The following KCNIP1 variants were observed in gnomAD, a reference collection of about 807,000 sequenced individuals.
KCNIP1 encodes the protein A-type potassium channel modulatory protein KCNIP1.
In KCNIP1, 18 loss-of-function variants were observed where a neutral mutation model predicts 33.0. The observed-to-expected ratio is 0.55, with a 90% confidence interval of 0.38 to 0.81. The LOEUF (loss-of-function observed/expected upper bound fraction) is 0.81, where lower values mean the gene tolerates loss of function less well. Ranked by LOEUF, KCNIP1 falls within the 30% of genes least tolerant of loss-of-function variation. The pLI is 0.00. For missense variants in KCNIP1, 238 were observed against 271.6 expected, an observed-to-expected ratio of 0.88 and a Z score of 0.87; for synonymous variants, 93 against 98.3, an observed-to-expected ratio of 0.95 and a Z score of 0.32.
intron 1 of KCNIP1, among the ~76,000 whole-genome samples, chr5:170,583,393 G>A (rs1189829370): frequency 6.6e-6 from 1 of 152,134 alleles, no homozygotes; most frequent in Non-Finnish European, 1.5e-5. Context: ...AGATGCAGGA[G>A]TAAGATGTTG....
chr5:170,566,920 G>A (rs1292108110), intron 1 of KCNIP1, among the ~76,000 whole-genome samples: 1 of 152,242 alleles, frequency 6.6e-6, no homozygotes, highest in Non-Finnish European at 1.5e-5. Context: ...CGAACAGAAA[G>A]TCTGTGGCCA....
At chr5:170,366,102 G>A (rs1020556989) in intron 1 of KCNIP1, among the ~76,000 whole-genome samples, 5 of 152,182 alleles carry the variant, frequency 3.3e-5, no homozygotes, top group Non-Finnish European at 7.3e-5. Context: ...CCCGGGATGC[G>A]AGTATCAGTG....
Position 170,496,941 on chromosome 5 carries a change from G to A in KCNIP1, c.88+142977G>A, listed in dbSNP as rs115997956. 6.5e-3 allele frequency among the ~76,000 whole-genome samples: 996 copies of A among 152,078 alleles called. 8 individuals carry two copies. Among genetic ancestry groups the A allele is most frequent in the African/African-American group, 0.022 (904 of 41,462 alleles). ...ACCTTTACCCTCCTAGTCTGATCTAGACCCCTGATCTTGCCGAGTATCTAG... is the reference window on the plus strand; with the variant it reads ...ACCTTTACCCTCCTAGTCTGATCTAAACCCCTGATCTTGCCGAGTATCTAG... On this transcript the variant is annotated intron_variant, in intron 1 of 7. Transcript: ENST00000377360.
intron 1 of KCNIP1, among the ~76,000 whole-genome samples, chr5:170,536,730 C>A (rs2113365519): frequency 6.6e-6 from 1 of 152,308 alleles, no homozygotes; most frequent in South Asian, 2.1e-4. Flanking sequence ...CACTCCCACA[C>A]CTGCAGTGCA....
At chr5:170,619,175 C>T (rs1277923077) in intron 1 of KCNIP1, among the ~76,000 whole-genome samples, 5 of 152,208 alleles carry the variant, frequency 3.3e-5, no homozygotes, top group Non-Finnish European at 5.9e-5. Flanking sequence ...AATAGTTTAA[C>T]TTTTCCCTCA....
chr5:170,708,639 C>G (rs1763342184), intron 1 of KCNIP1, among the ~76,000 whole-genome samples: 1 of 152,200 alleles, frequency 6.6e-6, no homozygotes, highest in African/African-American at 2.4e-5. Context: ...CATGGTGGCT[C>G]CCACCTATAA....
intron 1 of KCNIP1, among the ~76,000 whole-genome samples, chr5:170,618,512 A>AAGGAAGGGAGGG (rs1759476904): frequency 1.2e-5 from 1 of 84,074 alleles, no homozygotes; most frequent in Admixed American, 1.4e-4. Context: ...GGAAAGGAGG[A>AAGGAAGGGAGGG]AGGAAGGGAG....
chr5:170,473,145 G>A (rs117590201), intron 1 of KCNIP1, among the ~76,000 whole-genome samples: 6,930 of 152,156 alleles, frequency 0.046, 312 homozygotes, highest in Admixed American at 0.095. Flanking sequence ...AGGTGGTGTC[G>A]CATTGTGGTT....
intron 1 of KCNIP1, among the ~76,000 whole-genome samples, chr5:170,487,156 T>C (rs552470707): frequency 1.3e-5 from 2 of 152,232 alleles, no homozygotes; most frequent in East Asian, 1.9e-4. Context: ...AAATTCAAAA[T>C]TGGCAGGGCA....
At chr5:170,370,464 T>C (rs1228888474) in intron 1 of KCNIP1, among the ~76,000 whole-genome samples, 1 of 152,090 alleles carries the variant, frequency 6.6e-6, no homozygotes, top group Admixed American at 6.6e-5. Flanking sequence ...CCCTGCAGGC[T>C]CCCTCTCAAA....
intron 1 of KCNIP1, among the ~76,000 whole-genome samples, chr5:170,563,741 A>C (rs1757113808): frequency 6.6e-6 from 1 of 152,162 alleles, no homozygotes; most frequent in Non-Finnish European, 1.5e-5. Flanking sequence ...CCCAGGTTCA[A>C]ACGATTCTCC....
chr5:170,680,767 G>A (rs1278175226), intron 1 of KCNIP1: 3 of 251,160 alleles, frequency 1.2e-5, no homozygotes, highest in African/African-American at 6.7e-5. Context: ...GATGTTGCCA[G>A]TGATGGTTAC....
At chr5:170,676,850 T>C (rs1762163191) in intron 1 of KCNIP1, among the ~76,000 whole-genome samples, 1 of 152,214 alleles carries the variant, frequency 6.6e-6, no homozygotes, top group South Asian at 2.1e-4. Context: ...CATTTGATTT[T>C]GTGACTGCTA....
rs184856493 is a variant in KCNIP1, at chr5:170,408,929, C to T, written c.88+54965C>T. ...CTGGAAACATTTCAGTCCTGGAACACCTGGTCTCTAAAGGTGCCATCAATA... is the reference window on the plus strand; with the variant it reads ...CTGGAAACATTTCAGTCCTGGAACATCTGGTCTCTAAAGGTGCCATCAATA... On this transcript the variant is annotated intron_variant, in intron 1 of 7. Coordinates refer to the KCNIP1 transcript ENST00000377360. Among the ~76,000 whole-genome samples, 7 of 152,260 alleles carry T rather than the reference C, an allele frequency of 4.6e-5. No homozygotes were observed. In the East Asian group the frequency reaches 1.3e-3, roughly 29 times the overall value.
At chr5:170,494,624 G>A (rs1007965490) in intron 1 of KCNIP1, among the ~76,000 whole-genome samples, 2 of 152,096 alleles carry the variant, frequency 1.3e-5, no homozygotes, top group Non-Finnish European at 1.5e-5. Context: ...ACCAGCGTAC[G>A]TCCTGTGTTG....
intron 1 of KCNIP1, among the ~76,000 whole-genome samples, chr5:170,509,410 A>T (rs4867608): frequency 0.31 from 47,585 of 152,134 alleles, 7,573 homozygotes; most frequent in East Asian, 0.4. Flanking sequence ...ACTGCCTAAA[A>T]TCAGTGGGAT....
chr5:170,655,271 G>A (rs1479736533), intron 1 of KCNIP1, among the ~76,000 whole-genome samples: 1 of 152,038 alleles, frequency 6.6e-6, no homozygotes, highest in African/African-American at 2.4e-5. Flanking sequence ...AATATTCGGG[G>A]CCCTGTTGTA....
chr5:170,709,767 ATTAT>A (rs1336161763), intron 1 of KCNIP1, among the ~76,000 whole-genome samples: 4 of 151,952 alleles, frequency 2.6e-5, no homozygotes, highest in African/African-American at 4.8e-5. Context: ...CTTCATTATC[ATTAT>A]TTATCTCTTT....
At chr5:170,609,813 C>T (rs1041093417) in intron 1 of KCNIP1, among the ~76,000 whole-genome samples, 8 of 152,186 alleles carry the variant, frequency 5.3e-5, no homozygotes, top group Admixed American at 6.5e-5. Context: ...GCTATAATCA[C>T]ACCACTGCAC....
Sources: gnomAD v4.1 joint callset for allele counts (sites outside exome capture counted in the v4.1 genomes callset) on GRCh38, gnomAD v4.1.1 for gene constraint, MANE v1.5 for transcripts, NCBI Gene and HGNC (gene_info 2026-07-23, HGNC 2026-07-21) for gene names.